The following ERI1 variants were observed in gnomAD, a reference collection of about 807,000 sequenced individuals.
ERI1 encodes 3'-5' exoribonuclease 1.
In ERI1, 39 loss-of-function variants were observed where a neutral mutation model predicts 39.7. That is an observed-to-expected ratio of 0.98 (90% CI 0.76 to 1.28). The LOEUF is 1.28. Among genes scored for constraint, ERI1 ranks in the 50% most tolerant of loss-of-function variants. ERI1 has a pLI of 0.00. For synonymous variants in ERI1, 204 were observed against 149.6 expected (o/e 1.36, Z -2.65); for missense variants, 581 against 416.9 (o/e 1.39, Z -3.43).
intron 1 of ERI1, among the ~76,000 whole-genome samples, chr8:9,005,443 T>TTA (rs1238762911): frequency 6.6e-6 from 1 of 152,084 alleles, no homozygotes; most frequent in Non-Finnish European, 1.5e-5. Flanking sequence ...AGGACAGCAA[T>TTA]TATAGAATAC....
At chr8:9,025,811 T>C (rs778697344) in intron 6 of ERI1, among the ~76,000 whole-genome samples, 4 of 152,046 alleles carry the variant, frequency 2.6e-5, no homozygotes, top group Non-Finnish European at 4.4e-5. Context: ...GGGGTTTTTT[T>C]CAGATTTTGG....
At chr8:9,079,907 G>A (rs1029788587) in intron 3 of ERI1, among the ~76,000 whole-genome samples, 6 of 151,390 alleles carry the variant, frequency 4.0e-5, no homozygotes, top group Non-Finnish European at 7.4e-5. Flanking sequence ...CTAGGCTCCA[G>A]CAGTCCTCCA....
chr8:9,023,465 A>G (rs1041671963), intron 6 of ERI1, among the ~76,000 whole-genome samples: 7 of 152,170 alleles, frequency 4.6e-5, no homozygotes, highest in African/African-American at 1.7e-4. Context: ...AGCTCACAGT[A>G]TATTAGTGTA....
downstream of ERI1, among the ~76,000 whole-genome samples, chr8:9,034,703 T>G (rs150743820): frequency 2.5e-3 from 388 of 152,308 alleles, no homozygotes; most frequent in African/African-American, 8.8e-3. Context: ...CAGTGGCCTC[T>G]AAGTGTTCAG....
rs78602323 is a variant in ERI1 at position 9,064,034 on chromosome 8, G to T, written n.299+43570G>T. 5.2e-3 allele frequency among the ~76,000 whole-genome samples: 793 copies of T among 152,072 alleles called. 8 individuals are homozygous for T. The highest frequency in any genetic ancestry group is 0.018 in the African/African-American group (736 of 41,434). ...CCTCCAGAAAAGCAGGAAAGGGGTT[G>T]GGGTGTGTAAATAAGGGGTTGGGGC... On this transcript the variant is annotated intron_variant and non_coding_transcript_variant, in intron 3 of 3. Coordinates refer to the ERI1 transcript ENST00000518663.
At chr8:9,009,117 C>T (rs1285130469) in intron 2 of ERI1, 11 of 455,484 alleles carry the variant, frequency 2.4e-5, no homozygotes, top group East Asian at 2.1e-4. Flanking sequence ...TCCTGGCTTG[C>T]GTGGGAGCTA....
At chr8:9,020,037 A>ATTAG (rs1817716559) in intron 5 of ERI1, among the ~76,000 whole-genome samples, 1 of 152,168 alleles carries the variant, frequency 6.6e-6, no homozygotes, top group East Asian at 1.9e-4. Flanking sequence ...TACCATGCTA[A>ATTAG]GTCTGGCAGT....
intron 3 of ERI1, among the ~76,000 whole-genome samples, chr8:9,081,905 G>T (rs912891371): frequency 3.3e-5 from 5 of 152,068 alleles, no homozygotes; most frequent in Non-Finnish European, 7.4e-5. Context: ...TCATTAGCCT[G>T]CACTGGAAGA....
chr8:9,065,798 A>G (rs1798854765), intron 3 of ERI1, among the ~76,000 whole-genome samples: 1 of 152,200 alleles, frequency 6.6e-6, no homozygotes, highest in South Asian at 2.1e-4. Flanking sequence ...ACTTAAAAAA[A>G]TAAAAATAAA....
At chr8:9,051,807 T>C (rs1163585536) in intron 3 of ERI1, among the ~76,000 whole-genome samples, 1 of 152,232 alleles carries the variant, frequency 6.6e-6, no homozygotes, top group East Asian at 1.9e-4. Context: ...GTTTGAATGA[T>C]CACTTCCTTT....
intron 6 of ERI1, among the ~76,000 whole-genome samples, chr8:9,028,904 G>T (rs1797382402): frequency 6.6e-6 from 1 of 151,656 alleles, no homozygotes; most frequent in African/African-American, 2.4e-5. Context: ...GATTACAGGC[G>T]TGAGCTACCA....
chr8:9,021,493 CAG>C (rs1817887044), intron 6 of ERI1, among the ~76,000 whole-genome samples: 1 of 152,134 alleles, frequency 6.6e-6, no homozygotes, highest in East Asian at 1.9e-4. Flanking sequence ...CTTTTCCTTA[CAG>C]ACTCTTCTGT....
At chr8:9,035,731 A>G (rs1797822565), downstream of ERI1, among the ~76,000 whole-genome samples, 2 of 152,238 alleles carry the variant, frequency 1.3e-5, no homozygotes, top group South Asian at 2.1e-4. Flanking sequence ...AAGTCTTACT[A>G]TTTAATAAAT....
intron 3 of ERI1, among the ~76,000 whole-genome samples, chr8:9,055,541 C>T (rs1352501860): frequency 1.3e-5 from 2 of 152,120 alleles, no homozygotes; most frequent in East Asian, 3.9e-4. Context: ...GATACATTGA[C>T]AGGTGGGGGA....
intron 3 of ERI1, among the ~76,000 whole-genome samples, chr8:9,058,811 AAAAT>A (rs759161749): frequency 2.5e-4 from 37 of 150,954 alleles, no homozygotes; most frequent in East Asian, 3.9e-4. Context: ...TAGGCCAAAA[AAAAT>A]AAATAAATAA....
intron 3 of ERI1, among the ~76,000 whole-genome samples, chr8:9,063,070 T>A (rs1444095347): frequency 6.6e-6 from 1 of 152,232 alleles, no homozygotes; most frequent in Non-Finnish European, 1.5e-5. Flanking sequence ...ATTGTACACC[T>A]TGAAGGCCAG....
rs567380152 is a variant in ERI1 at position 9,004,821 on chromosome 8, G to A, written c.108+1650G>A. ...TCGTGCCTCAGCCTCCCTAGTAGCT[G>A]GGATTACAGGAACCCACCACCACGC... On this transcript the variant is annotated intron_variant, in intron 1 of 6. Coordinates refer to ENST00000250263, the MANE Select transcript of ERI1 (RefSeq NM_153332.4). Among the ~76,000 whole-genome samples the A allele has an allele frequency of 1.6e-4, 25 of 151,976 alleles. No homozygotes were observed. In the South Asian group the frequency reaches 5.0e-3, roughly 30 times the overall value.
chr8:9,065,912 G>A (rs1798859525), intron 3 of ERI1, among the ~76,000 whole-genome samples: 1 of 152,162 alleles, frequency 6.6e-6, no homozygotes, highest in African/African-American at 2.4e-5. Flanking sequence ...AGGTGGCGCT[G>A]TCGGCAGTGG....
At chr8:9,077,727 C>G (rs531186735) in intron 3 of ERI1, among the ~76,000 whole-genome samples, 4 of 152,312 alleles carry the variant, frequency 2.6e-5, no homozygotes, top group Non-Finnish European at 4.4e-5. Flanking sequence ...AGTTAAGCTT[C>G]CCTGGCTGAT....
Sources: allele counts gnomAD v4.1 joint callset (sites outside exome capture counted in the v4.1 genomes callset), GRCh38; gene constraint gnomAD v4.1.1; transcripts MANE v1.5; gene names NCBI Gene and HGNC (gene_info 2026-07-23, HGNC 2026-07-21).